RCBTB2: variants seen among roughly 807,000 people sequenced by gnomAD.
RCBTB2 encodes RCC1 and BTB domain-containing protein 2.
RCBTB2 carries 55 observed loss-of-function variants against 65.4 expected under a neutral mutation model. That is an observed-to-expected ratio of 0.84 (90% CI 0.68 to 1.05). The LOEUF is 1.05. Ranked by LOEUF, RCBTB2 falls within the 50% of genes least tolerant of loss-of-function variation. RCBTB2 has a pLI of 0.00. For synonymous variants in RCBTB2, 220 were observed against 255.2 expected, an observed-to-expected ratio of 0.86 and a Z score of 1.31; for missense variants, 599 against 680.1, an observed-to-expected ratio of 0.88 and a Z score of 1.33.
chr13:48,493,927 G>A (rs957642069), intron 14 of RCBTB2, among the ~76,000 whole-genome samples: 2 of 152,134 alleles, frequency 1.3e-5, no homozygotes, highest in Non-Finnish European at 2.9e-5. Context: ...CAGGCATGTA[G>A]CAGGCACTCA....
chr13:48,492,587 C>T (rs931056598), intron 14 of RCBTB2: 7 of 152,390 alleles, frequency 4.6e-5, no homozygotes, highest in Admixed American at 3.9e-4. Flanking sequence ...CAAGGCCCCT[C>T]CGGCGTTCTC....
At chr13:48,534,169 A>G (rs959803867), upstream of RCBTB2, among the ~76,000 whole-genome samples, 9 of 152,230 alleles carry the variant, frequency 5.9e-5, no homozygotes, top group Middle Eastern at 3.2e-3. Context: ...TGGAAGAAAA[A>G]GTAAGTATAC....
chr13:48,515,121 G>A, intron 6 of RCBTB2, 84 bp downstream of exon 6: 1 of 1,240,660 alleles, frequency 8.1e-7, no homozygotes, highest in Non-Finnish European at 1.1e-6. Context: ...CACAGGAAGA[G>A]CTAGCAACTC....
rs1950834498 is a variant in RCBTB2 at position 48,512,125 on chromosome 13, G to A, written c.566C>T (p.Thr189Ile). 1.2e-6 allele frequency: 2 copies of A among 1,614,166 alleles called. No individual in the cohort carries two copies. The highest frequency in any genetic ancestry group is 8.5e-7 in the Non-Finnish European group (1 of 1,179,984). Reference protein sequence around the residue: ...NNSGQVGSGSTVNQPIPRRVT... With the variant: ...NNSGQVGSGSIVNQPIPRRVT... ...TCTTCGAGGGATTGGCTGATTAACT[G>A]TTGATCCAGATCCTACCTGCCCAGA... Residue 189 changes from threonine to isoleucine, a missense_variant, in exon 8 of 15, where the codon ACA becomes ATA. By Grantham distance (89) the Thr-to-Ile change is moderately conservative. Coordinates refer to ENST00000344532, the MANE Select transcript of RCBTB2 (RefSeq NM_001268.4).
At chr13:48,531,857 A>G (rs1423543249) in intron 1 of RCBTB2, among the ~76,000 whole-genome samples, 1 of 152,216 alleles carries the variant, frequency 6.6e-6, no homozygotes, top group East Asian at 1.9e-4. Context: ...AACTCTTCAC[A>G]GTAGCCCCAG....
chr13:48,533,260 C>T (rs1002979688), upstream of RCBTB2: 6 of 303,118 alleles, frequency 2.0e-5, no homozygotes, highest in African/African-American at 1.4e-4. Context: ...GCCGCCCCTC[C>T]CCTTTCTCGC....
Position 48,496,199 on chromosome 13 carries a change from C to T in RCBTB2, c.1507G>A (p.Asp503Asn), listed in dbSNP as rs568603987. 3.3e-6 allele frequency: 5 copies of T among 1,520,868 alleles called. No individual in the cohort carries two copies. Among genetic ancestry groups the T allele is most frequent in the Admixed American group, 4.2e-5 (2 of 47,634 alleles). 94.2% of individuals were successfully genotyped at this position (1,520,868 alleles called of 1,614,324 possible). Reference protein sequence around the residue: ...IALLSAAVKYDAQDLEEFCFR... With the variant: ...IALLSAAVKYNAQDLEEFCFR... Reference sequence around the variant, plus strand: ...AAGCAAGCTTTCCTTACCTGTGCATCATACTTCACCGCAGCCGAGAGCAGA... The same window carrying T: ...AAGCAAGCTTTCCTTACCTGTGCATTATACTTCACCGCAGCCGAGAGCAGA... The change falls in exon 14 of 15, where the codon GAT becomes AAT. Residue 503 changes from aspartate (D) to asparagine (N), a missense_variant. By Grantham distance (23) the Asp-to-Asn change is conservative. Coordinates refer to ENST00000344532, the MANE Select transcript of RCBTB2 (RefSeq NM_001268.4).
chr13:48,515,267 T>C lies in RCBTB2; in HGVS notation c.287A>G (p.Asn96Ser), dbSNP rs1439610631. Residue 96 changes from asparagine (N) to serine (S), a missense_variant, in exon 6 of 15, where the codon AAT becomes AGT. By Grantham distance (46) the Asn-to-Ser change is conservative (BLOSUM62 1). Coordinates refer to ENST00000344532, the MANE Select transcript of RCBTB2 (RefSeq NM_001268.4). ...GCTGAGGCAGGCTATTTTTTTGCCATTTAAAGAATCCAGTCTCCGAGGTTC... is the reference window on the plus strand; with the variant it reads ...GCTGAGGCAGGCTATTTTTTTGCCACTTAAAGAATCCAGTCTCCGAGGTTC... ...TIEPRRLDSL[N>S]GKKIACLSYG... The C allele has an allele frequency of 1.9e-6, 3 of 1,614,172 alleles. No individual in the cohort carries two copies. The Admixed American group carries it at 5.0e-5, about 27-fold the overall frequency.
intron 1 of RCBTB2, among the ~76,000 whole-genome samples, chr13:48,529,395 A>G (rs1012095099): frequency 6.6e-6 from 1 of 152,184 alleles, no homozygotes; most frequent in African/African-American, 2.4e-5. Context: ...AGTATTATAT[A>G]CATACATACA....
chr13:48,504,283 C>T (rs1020358434), intron 10 of RCBTB2: 10 of 985,380 alleles, frequency 1.0e-5, no homozygotes, highest in South Asian at 9.4e-5. Flanking sequence ...AACTTTCACA[C>T]GGGCAGTGGC....
At chr13:48,494,333 G>A (rs1377364174) in intron 14 of RCBTB2, among the ~76,000 whole-genome samples, 1 of 152,172 alleles carries the variant, frequency 6.6e-6, no homozygotes, top group Non-Finnish European at 1.5e-5. Flanking sequence ...ACGAAAGCTT[G>A]TATTTTACAT....
At position 48,515,691 on chromosome 13, in the gene RCBTB2, C is replaced by T; in HGVS notation, c.93G>A (p.Trp31Ter). Residue 31 changes from tryptophan to a stop codon, truncating the protein, a stop_gained, in exon 5 of 15, where the codon TGG (tryptophan) becomes TGA (stop). Transcript: ENST00000344532. LOFTEE classifies it high-confidence loss of function. ...CTTCAGAACAAAGGGAAAAAATTGG[C>T]CACTTTCCCACATCTAACATCTTCA... is the stretch of plus-strand genomic sequence containing the variant. ...SSLKMLDVGKWPIFSLCSEEE... is the reference protein window; with the variant it reads ...SSLKMLDVGK The T allele has an allele frequency of 6.2e-7, 1 of 1,614,112 alleles. No homozygotes were observed. Among genetic ancestry groups the T allele is most frequent in the Non-Finnish European group, 8.5e-7 (1 of 1,179,998 alleles).
In RCBTB2 at chr13:48,522,418, G is replaced by A; in HGVS notation, c.-119-15C>T. ...GATTTGCTAAGCTGGAAAAAAAAAA[G>A]GAGAAATGAATGAAAATGATGAAAA... is the stretch of plus-strand genomic sequence containing the variant. On this transcript the variant is annotated splice_polypyrimidine_tract_variant and intron_variant, in intron 2 of 14. Transcript: ENST00000344532. The A allele has an allele frequency of 1.9e-6, 2 of 1,050,662 alleles. No individual in the cohort carries two copies. Among genetic ancestry groups the A allele is most frequent in the Non-Finnish European group, 2.8e-6 (2 of 718,140 alleles). 65.1% of individuals were successfully genotyped at this position (1,050,662 alleles called of 1,614,324 possible). A position where few individuals can be genotyped will look rare whatever the true frequency, so the allele number is the denominator to read the frequency against.
intron 14 of RCBTB2, among the ~76,000 whole-genome samples, chr13:48,493,289 CCACACA>C (rs1237098435): frequency 1.7e-4 from 17 of 102,346 alleles, no homozygotes; most frequent in Non-Finnish European, 1.9e-4. Flanking sequence ...CTCTCTCTCT[CCACACA>C]CACACACACA....
At chr13:48,493,000 T>C (rs1949765273) in intron 14 of RCBTB2, among the ~76,000 whole-genome samples, 2 of 152,086 alleles carry the variant, frequency 1.3e-5, no homozygotes, top group Non-Finnish European at 2.9e-5. Context: ...GCTCCTATCT[T>C]CTATATCTCA....
At chr13:48,533,635 A>G (rs149974463), upstream of RCBTB2, among the ~76,000 whole-genome samples, 1 of 152,248 alleles carries the variant, frequency 6.6e-6, no homozygotes, top group African/African-American at 2.4e-5. Flanking sequence ...GGATGACCTC[A>G]GTTACCTTGG....
chr13:48,533,152 T>G (rs1952278730), upstream of RCBTB2: 1 of 387,788 alleles, frequency 2.6e-6, no homozygotes, highest in African/African-American at 2.2e-5. Context: ...CGGGATGCGC[T>G]CGGGTGCCCG....
At chr13:48,490,303 G>A (rs780037964) in intron 14 of RCBTB2, 52 bp from the exon 15 acceptor site, 3 of 1,499,174 alleles carry the variant, frequency 2.0e-6, no homozygotes, top group African/African-American at 2.8e-5. Context: ...CTAATTCAAT[G>A]CAACATAGCA....
intron 1 of RCBTB2, among the ~76,000 whole-genome samples, chr13:48,531,817 T>C (rs1952142520): frequency 6.6e-6 from 1 of 152,234 alleles, no homozygotes; most frequent in Admixed American, 6.5e-5. Flanking sequence ...CATATAAGAT[T>C]ACAAAGCACA....
Sources: gnomAD v4.1 joint callset for allele counts (sites outside exome capture counted in the v4.1 genomes callset) on GRCh38, gnomAD v4.1.1 for gene constraint, MANE v1.5 for transcripts, NCBI Gene and HGNC (gene_info 2026-07-23, HGNC 2026-07-21) for gene names.